The following APBA1 variants were observed in gnomAD, a reference collection of about 807,000 sequenced individuals.
APBA1 encodes amyloid-beta A4 precursor protein-binding family A member 1.
In APBA1, 55 loss-of-function variants were observed where a neutral mutation model predicts 86.6. The ratio of observed to expected loss-of-function variants is 0.64; its 90% confidence interval spans 0.51 to 0.80. The LOEUF is 0.80. APBA1 is among the 30% of genes least tolerant of loss of function. APBA1 has a pLI of 0.00. For missense variants in APBA1, 1,090 were observed against 1,183.0 expected, an observed-to-expected ratio of 0.92 and a Z score of 1.15; for synonymous variants, 511 against 493.9, an observed-to-expected ratio of 1.03 and a Z score of -0.46.
intron 1 of APBA1, among the ~76,000 whole-genome samples, chr9:69,575,579 C>A (rs1821778998): frequency 6.6e-6 from 1 of 152,110 alleles, no homozygotes; most frequent in Non-Finnish European, 1.5e-5. Flanking sequence ...TGATCTTTGA[C>A]AAACCTGACA....
chr9:69,583,369 C>T (rs1821953922), intron 1 of APBA1, among the ~76,000 whole-genome samples: 1 of 152,128 alleles, frequency 6.6e-6, no homozygotes, highest in Non-Finnish European at 1.5e-5. Flanking sequence ...GCCCCTTGAA[C>T]CTAGTGCCTT....
chr9:69,454,004 T>C (rs1179548836), intron 8 of APBA1, among the ~76,000 whole-genome samples: 1 of 152,234 alleles, frequency 6.6e-6, no homozygotes, highest in Non-Finnish European at 1.5e-5. Context: ...CCCATCCTCC[T>C]GCCCACCACA....
chr9:69,456,404 G>A lies in APBA1; in HGVS notation c.1631C>T (p.Thr544Ile), dbSNP rs745770993. The change falls in exon 8 of 13, where the codon ACC becomes ATC. Residue 544 changes from threonine to isoleucine, a missense_variant. Thr to Ile is a moderately conservative substitution (Grantham distance 89). This residue lies in a region of APBA1 where 103 missense variants were observed against 91.9 expected (regional missense o/e 1.12). Coordinates refer to ENST00000265381, the MANE Select transcript of APBA1 (RefSeq NM_001163.4). ...QETMMDHPLRTISYIADIGNI... is the reference protein window; with the variant it reads ...QETMMDHPLRIISYIADIGNI... ...CCCAATGTCCGCAATGTAGGAAATG[G>A]TCCTCAGAGGGTGGTCCATCATTGT... 2 of 1,607,788 alleles carry A rather than the reference G, an allele frequency of 1.2e-6. No homozygotes were observed. The highest frequency in any genetic ancestry group is 2.2e-5 in the East Asian group (1 of 44,820).
At chr9:69,575,746 T>TA (rs1217865953) in intron 1 of APBA1, among the ~76,000 whole-genome samples, 4 of 152,058 alleles carry the variant, frequency 2.6e-5, no homozygotes, top group African/African-American at 9.7e-5. Flanking sequence ...CCTAAAACCA[T>TA]AAAAACCCTA....
intron 1 of APBA1, among the ~76,000 whole-genome samples, chr9:69,625,650 GT>G (rs1822914523): frequency 6.6e-6 from 1 of 152,234 alleles, no homozygotes; most frequent in South Asian, 2.1e-4. Context: ...TTAAATCACT[GT>G]CCTCTGCTGG....
chr9:69,464,615 T>C (rs374857733), intron 5 of APBA1: 7 of 152,158 alleles, frequency 4.6e-5, no homozygotes, highest in African/African-American at 1.7e-4. Flanking sequence ...TGAAGTAAAA[T>C]CTCTGATTTC....
intron 1 of APBA1, among the ~76,000 whole-genome samples, chr9:69,617,754 G>A (rs2133987025): frequency 6.6e-6 from 1 of 152,212 alleles, no homozygotes; most frequent in African/African-American, 2.4e-5. Flanking sequence ...TTTAAAAATT[G>A]TGGTAATATA....
chr9:69,476,205 G>A, intron 2 of APBA1, 62 bp from the exon 3 acceptor site: 2 of 1,247,272 alleles, frequency 1.6e-6, no homozygotes, highest in South Asian at 2.6e-5. Context: ...ACTTGGCTGG[G>A]GGAAAGGGGC....
chr9:69,514,735 CCCG>C (rs1458818896), intron 2 of APBA1, among the ~76,000 whole-genome samples: 1 of 151,932 alleles, frequency 6.6e-6, no homozygotes, highest in Non-Finnish European at 1.5e-5. Flanking sequence ...GTTATGAAAC[CCCG>C]TCTCTACTAA....
At chr9:69,580,103 T>C (rs1285100952) in intron 1 of APBA1, among the ~76,000 whole-genome samples, 4 of 152,184 alleles carry the variant, frequency 2.6e-5, no homozygotes, top group Non-Finnish European at 4.4e-5. Flanking sequence ...TGTGAGGAGA[T>C]GGGAAGCTGT....
chr9:69,444,639 C>T (rs112167527), intron 10 of APBA1, among the ~76,000 whole-genome samples: 33 of 152,324 alleles, frequency 2.2e-4, no homozygotes, highest in African/African-American at 7.0e-4. Flanking sequence ...CAAATCTCAA[C>T]CATTATGCTT....
In APBA1 at chr9:69,516,718, A is replaced by T. The variant is rs1230579463; in HGVS notation, c.493T>A (p.Tyr165Asn). Reference protein sequence around the residue: ...LEHEEAMNAAYSGYVYTHRLF... With the variant: ...LEHEEAMNAANSGYVYTHRLF... ...CGGTGCGTGTAGACGTAGCCTGAGT[A>T]GGCCGCATTCATGGCTTCCTCGTGC... Residue 165 changes from tyrosine (Y) to asparagine (N), a missense_variant, in exon 2 of 13, where the codon TAC (tyrosine) becomes AAC (asparagine). Tyr to Asn is a moderately radical substitution (Grantham distance 143, BLOSUM62 -2). Transcript: ENST00000265381. This position sits in a 1 kb window ranked among gnomAD's most constrained non-coding sequence, Gnocchi z 7.3. The T allele has an allele frequency of 6.2e-7, 1 of 1,611,558 alleles. No homozygotes were observed. Among genetic ancestry groups the T allele is most frequent in the East Asian group, 2.2e-5 (1 of 44,788 alleles).
At chr9:69,658,286 C>CTTTCTTTCTTTTTCTT (rs770180947) in intron 1 of APBA1, among the ~76,000 whole-genome samples, 1 of 74,184 alleles carries the variant, frequency 1.3e-5, no homozygotes, top group Admixed American at 1.5e-4. Flanking sequence ...CTTTCTTTCT[C>CTTTCTTTCTTTTTCTT]TCTCTCTTTC....
At chr9:69,511,815 T>G (rs1323598030) in intron 2 of APBA1, among the ~76,000 whole-genome samples, 4 of 151,534 alleles carry the variant, frequency 2.6e-5, no homozygotes, top group African/African-American at 9.7e-5. Context: ...CAGTAAACTA[T>G]CGCAAGAACA....
intron 1 of APBA1, among the ~76,000 whole-genome samples, chr9:69,566,514 G>A (rs1837029164): frequency 6.6e-6 from 1 of 152,178 alleles, no homozygotes; most frequent in African/African-American, 2.4e-5. Flanking sequence ...TGCTCTGATA[G>A]TGACTCTTAC....
intron 1 of APBA1, among the ~76,000 whole-genome samples, chr9:69,667,867 A>G (rs1320028225): frequency 6.6e-6 from 1 of 151,552 alleles, no homozygotes; most frequent in Non-Finnish European, 1.5e-5. Flanking sequence ...ACTTCCACCT[A>G]CCACAAAGAC....
chr9:69,487,812 G>T (rs1271818695), intron 2 of APBA1, among the ~76,000 whole-genome samples: 2 of 151,988 alleles, frequency 1.3e-5, no homozygotes, highest in Admixed American at 6.6e-5. Flanking sequence ...AAAGAAAACA[G>T]ACTAAGACAC....
intron 1 of APBA1, among the ~76,000 whole-genome samples, chr9:69,656,334 A>G (rs906879723): frequency 6.6e-6 from 1 of 152,254 alleles, no homozygotes; most frequent in Non-Finnish European, 1.5e-5. Flanking sequence ...TAATATTCAC[A>G]GTAAAACAAC....
chr9:69,465,799 C>T (rs1835268981), intron 5 of APBA1, among the ~76,000 whole-genome samples: 1 of 152,198 alleles, frequency 6.6e-6, no homozygotes, highest in African/African-American at 2.4e-5. Flanking sequence ...TTCCCACTGT[C>T]CATCATTCTG....
Sources: gnomAD v4.1 joint callset for allele counts (sites outside exome capture counted in the v4.1 genomes callset) on GRCh38, gnomAD v4.1.1 for gene constraint, gnomAD v4.1.1 regional missense constraint, Gnocchi (gnomAD v3.1) non-coding constraint, MANE v1.5 for transcripts, NCBI Gene and HGNC (gene_info 2026-07-23, HGNC 2026-07-21) for gene names.